PTPN5: variants seen among roughly 807,000 people sequenced by gnomAD.
PTPN5 encodes protein tyrosine phosphatase non-receptor type 5, also known as tyrosine-protein phosphatase non-receptor type 5.
A neutral mutation model predicts 73.9 loss-of-function variants in PTPN5; 29 were observed. The observed-to-expected ratio is 0.39, with a 90% CI of 0.29 to 0.54. PTPN5 has a LOEUF of 0.54. Ranked by LOEUF, PTPN5 falls within the 20% of genes least tolerant of loss-of-function variation. PTPN5 has a pLI of 0.65. For missense variants in PTPN5, 652 were observed against 751.4 expected, an observed-to-expected ratio of 0.87 and a Z score of 1.55; for synonymous variants, 267 against 304.7, an observed-to-expected ratio of 0.88 and a Z score of 1.29.
At position 18,733,596 on chromosome 11, in the gene PTPN5, T is replaced by C; in HGVS notation, c.1040A>G (p.Asp347Gly). Residue 347 changes from aspartate (D) to glycine (G), a missense_variant, in exon 10 of 15, where the codon GAC becomes GGC. Around this residue, in one of 3 missense-constraint regions of PTPN5, gnomAD observed 529 missense variants for 573.9 expected, o/e 0.92. Transcript: ENST00000358540. This position sits in a 1 kb window ranked among gnomAD's most constrained non-coding sequence, Gnocchi z 4.3. Reference sequence around the variant, plus strand: ...ATTGATGTAGGAACTCAGAGGGTCGTCAGGGTCTGGTGAGGTCAGACACAC... The same window carrying C: ...ATTGATGTAGGAACTCAGAGGGTCGCCAGGGTCTGGTGAGGTCAGACACAC... The part of the protein sequence containing the change: ...SRVCLTSPDP[D>G]DPLSSYINAN... The C allele has an allele frequency of 1.2e-6, 2 of 1,614,152 alleles. No individual in the cohort carries two copies. The highest frequency in any genetic ancestry group is 1.7e-6 in the Non-Finnish European group (2 of 1,180,022).
chr11:18,733,501 C>G lies in PTPN5; in HGVS notation c.1080+55G>C. 2 of 1,612,392 alleles carry G rather than the reference C, an allele frequency of 1.2e-6. No homozygotes were observed. ...GTAGGGACAAGGCTGGAGGATGGAT[C>G]CCATCGACTCAGGCCTCCCCTTGAG... On this transcript the variant is annotated intron_variant, in intron 10 of 14. Coordinates refer to ENST00000358540, the MANE Select transcript of PTPN5 (RefSeq NM_006906.2). This position sits in a 1 kb window ranked among gnomAD's most constrained non-coding sequence, Gnocchi z 4.3.
rs1052977859 is a variant in PTPN5 at position 18,733,040 on chromosome 11, C to T, written c.1218+195G>A. Among the ~76,000 whole-genome samples, 5 of 152,174 alleles carry T rather than the reference C, an allele frequency of 3.3e-5. No individual in the cohort carries two copies. Among genetic ancestry groups the T allele is most frequent in the Non-Finnish European group, 7.3e-5 (5 of 68,038 alleles). On this transcript the variant is annotated intron_variant, in intron 11 of 14. Coordinates refer to ENST00000358540, the MANE Select transcript of PTPN5 (RefSeq NM_006906.2). This position sits in a 1 kb window ranked among gnomAD's most constrained non-coding sequence, Gnocchi z 4.3. ...TCACGGGCACTGGAAGTGGAGAGGC[C>T]ACCTCCAGGCATGCCTCTATCTGTG...
At chr11:18,782,564 CTA>C (rs1195093707) in intron 1 of PTPN5, among the ~76,000 whole-genome samples, 1 of 152,182 alleles carries the variant, frequency 6.6e-6, no homozygotes, top group Non-Finnish European at 1.5e-5. Flanking sequence ...AGAGCATGTA[CTA>C]TATGATTCCA....
chr11:18,784,463 G>A (rs1301482879), intron 1 of PTPN5, among the ~76,000 whole-genome samples: 4 of 152,176 alleles, frequency 2.6e-5, no homozygotes, highest in Non-Finnish European at 4.4e-5. Flanking sequence ...GAGACAGAAA[G>A]TAGAACGGAG....
At chr11:18,741,129 G>C (rs1011420406) in intron 7 of PTPN5, among the ~76,000 whole-genome samples, 1 of 152,144 alleles carries the variant, frequency 6.6e-6, no homozygotes, top group Non-Finnish European at 1.5e-5. Flanking sequence ...TCTACCCTGT[G>C]GTCCCCAGGA....
rs1221529383 is a variant in PTPN5, at chr11:18,742,954, G to A, written c.483+38C>T. 6 of 1,335,396 alleles carry A rather than the reference G, an allele frequency of 4.5e-6. No individual in the cohort carries two copies. The highest frequency in any genetic ancestry group is 5.3e-6 in the Non-Finnish European group (5 of 950,018). 82.7% of individuals were successfully genotyped at this position (1,335,396 alleles called of 1,614,324 possible). ...AGAAATCCAGGCCTCAAGGTCAGAG[G>A]AGGACAGCCTTGAGGTTGGGGTCAG... On this transcript the variant is annotated intron_variant, in intron 6 of 14. Transcript: ENST00000358540. The surrounding 1 kb of genome is among the most constrained non-coding windows in gnomAD (Gnocchi z 4.1).
chr11:18,761,542 G>A (rs1284586400), intron 3 of PTPN5, among the ~76,000 whole-genome samples: 35 of 152,180 alleles, frequency 2.3e-4, no homozygotes, highest in Admixed American at 2.0e-3. Context: ...GAAAAAGGGT[G>A]TGTGCATGAG....
Position 18,729,675 on chromosome 11 carries a change from G to C in PTPN5, c.1473C>G (p.Pro491=). Reference sequence around the variant, plus strand: ...GGACCCACCTGCAGTGGACGATGATGGGGGCACAGTGGGGCCCCTCCTGCT... The same window carrying C: ...GGACCCACCTGCAGTGGACGATGATCGGGGCACAGTGGGGCCCCTCCTGCT... ...AAQQEGPHCA[P]IIVHCSAGIG... The change falls in exon 13 of 15, where the codon CCC becomes CCG. Residue 491 remains proline, a synonymous_variant. Transcript: ENST00000358540. This position sits in a 1 kb window ranked among gnomAD's most constrained non-coding sequence, Gnocchi z 5.2. 1 of 1,574,774 alleles carries C rather than the reference G, an allele frequency of 6.4e-7. No homozygotes were observed. Among genetic ancestry groups the C allele is most frequent in the South Asian group, 1.1e-5 (1 of 87,074 alleles).
chr11:18,791,088 G>A (rs1380880898), intron 1 of PTPN5, among the ~76,000 whole-genome samples: 1 of 152,196 alleles, frequency 6.6e-6, no homozygotes, highest in Non-Finnish European at 1.5e-5. Flanking sequence ...AGGGTCGGTG[G>A]AGGCGAAGCA....
At chr11:18,746,188 TATATACA>T (rs1320615448) in intron 3 of PTPN5, among the ~76,000 whole-genome samples, 5 of 119,258 alleles carry the variant, frequency 4.2e-5, no homozygotes, top group South Asian at 5.7e-4. Context: ...TATATATATA[TATATACA>T]TTTTTTTTTT....
chr11:18,768,546 T>C (rs367794809), intron 2 of PTPN5, among the ~76,000 whole-genome samples: 1 of 152,216 alleles, frequency 6.6e-6, no homozygotes, highest in African/African-American at 2.4e-5. Context: ...GACTCACACC[T>C]GCTTTCACAC....
chr11:18,751,084 G>A (rs1194023172), intron 3 of PTPN5, among the ~76,000 whole-genome samples: 2 of 152,202 alleles, frequency 1.3e-5, no homozygotes, highest in African/African-American at 4.8e-5. Context: ...AGCTACTTCT[G>A]CCACTGCAAT....
At position 18,733,190 on chromosome 11, in the gene PTPN5, G is replaced by A. The variant is rs1026152377; in HGVS notation, c.1218+45C>T. On this transcript the variant is annotated intron_variant, in intron 11 of 14. Transcript: ENST00000358540. This position sits in a 1 kb window ranked among gnomAD's most constrained non-coding sequence, Gnocchi z 4.3. The stretch of plus-strand genomic sequence containing the variant: ...ATTTGAGAACAAGATACTTAGTGTA[G>A]GGCGCAATGTAGCAGACACTTAGAA... 6.3e-7 allele frequency: 1 copy of A among 1,590,582 alleles called. No individual in the cohort carries two copies. The highest frequency in any genetic ancestry group is 8.6e-7 in the Non-Finnish European group (1 of 1,162,264).
In PTPN5 at chr11:18,742,170, G is replaced by T; in HGVS notation, c.725+92C>A. On this transcript the variant is annotated intron_variant, in intron 7 of 14. Transcript: ENST00000358540. The surrounding 1 kb of genome is among the most constrained non-coding windows in gnomAD (Gnocchi z 4.1). Reference sequence around the variant, plus strand: ...AGCTATAAGGCCAGCTCTGCCCTGGGCACCAGGAGTCAGAGTCAGGCATCC... The same window carrying T: ...AGCTATAAGGCCAGCTCTGCCCTGGTCACCAGGAGTCAGAGTCAGGCATCC... 6.5e-7 allele frequency: 1 copy of T among 1,546,060 alleles called. No homozygotes were observed. The highest frequency in any genetic ancestry group is 8.8e-7 in the Non-Finnish European group (1 of 1,136,008).
At chr11:18,732,334 T>G (rs1006964358) in intron 12 of PTPN5, among the ~76,000 whole-genome samples, 1 of 152,184 alleles carries the variant, frequency 6.6e-6, no homozygotes, top group Non-Finnish European at 1.5e-5. Flanking sequence ...GAATGCATTA[T>G]GAATGACAGA....
chr11:18,736,160 G>C (rs1849103990), intron 9 of PTPN5, among the ~76,000 whole-genome samples: 2 of 152,182 alleles, frequency 1.3e-5, no homozygotes, highest in Admixed American at 6.5e-5. Context: ...GCAGACCCCG[G>C]CATGGTGGCT....
chr11:18,738,052 C>A, intron 8 of PTPN5, 88 bp from the exon 9 acceptor site: 1 of 1,069,006 alleles, frequency 9.4e-7, no homozygotes, highest in Non-Finnish European at 1.5e-6. Flanking sequence ...ACTCCTAGCC[C>A]AGGGGCTGGC....
chr11:18,783,307 T>C (rs79822185), intron 1 of PTPN5, among the ~76,000 whole-genome samples: 1 of 152,278 alleles, frequency 6.6e-6, no homozygotes, highest in African/African-American at 2.4e-5. Context: ...TCTCCCTGAG[T>C]GTCTAGAGTC....
chr11:18,749,291 A>G, intron 3 of PTPN5: 2 of 472,622 alleles, frequency 4.2e-6, no homozygotes, highest in Non-Finnish European at 8.5e-6. Context: ...CACCTCTTGC[A>G]CAGGATGATG....
Sources: allele counts gnomAD v4.1 joint callset (sites outside exome capture counted in the v4.1 genomes callset), GRCh38; gene constraint gnomAD v4.1.1; regional missense constraint gnomAD v4.1.1; non-coding constraint Gnocchi (gnomAD v3.1); transcripts MANE v1.5; gene names NCBI Gene and HGNC (gene_info 2026-07-23, HGNC 2026-07-21).